NKAIN3: variants seen among roughly 807,000 people sequenced by gnomAD.
NKAIN3 encodes sodium/potassium transporting ATPase interacting 3.
In NKAIN3, 25 loss-of-function variants were observed where a neutral mutation model predicts 30.2. The ratio of observed to expected loss-of-function variants is 0.83; its 90% CI spans 0.60 to 1.16. The LOEUF is 1.16. Among genes scored for constraint, NKAIN3 ranks in the 50% most tolerant of loss-of-function variants. The pLI is 0.00. For missense variants in NKAIN3, 225 were observed against 254.1 expected, an observed-to-expected ratio of 0.89 and a Z score of 0.78; for synonymous variants, 91 against 89.6, an observed-to-expected ratio of 1.02 and a Z score of -0.09.
intron 1 of NKAIN3, among the ~76,000 whole-genome samples, chr8:62,273,403 C>T (rs11778470): frequency 0.58 from 88,157 of 151,898 alleles, 25,974 homozygotes; most frequent in East Asian, 0.68. Context: ...AAAACAATAC[C>T]TGAATAGAAA....
At chr8:62,790,561 G>A (rs1052814422) in intron 4 of NKAIN3, among the ~76,000 whole-genome samples, 6 of 144,316 alleles carry the variant, frequency 4.2e-5, no homozygotes, top group Admixed American at 3.7e-4. Context: ...GTGTGTGTGT[G>A]TGTGTGTCTG....
chr8:62,643,395 T>C (rs932371847), intron 3 of NKAIN3, among the ~76,000 whole-genome samples: 1 of 152,034 alleles, frequency 6.6e-6, no homozygotes, highest in African/African-American at 2.4e-5. Context: ...TCCAAGAAAA[T>C]TGGCTAAAGC....
chr8:62,398,392 TAAATA>T (rs1446947017), intron 1 of NKAIN3, among the ~76,000 whole-genome samples: 4 of 151,584 alleles, frequency 2.6e-5, no homozygotes, highest in East Asian at 2.0e-4. Context: ...TTTGTAAAAA[TAAATA>T]AAATAAAAAT....
intron 2 of NKAIN3, among the ~76,000 whole-genome samples, chr8:62,582,197 C>G (rs1269824916): frequency 1.3e-5 from 2 of 149,480 alleles, no homozygotes; most frequent in East Asian, 2.0e-4. Context: ...TCACTTCTTT[C>G]TTTTCTAACT....
chr8:62,316,420 T>TC lies in NKAIN3; in HGVS notation c.54+67301dup, dbSNP rs36162648. ...ACATTAGGTATATCTCCTAATGCTA[T>TC]CCCCCCCCTCCTCCCACCCCACAAC... On this transcript the variant is annotated intron_variant, in intron 1 of 6. Transcript: ENST00000623646. Among the ~76,000 whole-genome samples the TC allele has an allele frequency of 7.6e-3, 1,146 of 150,846 alleles. 20 individuals are homozygous for TC. Among genetic ancestry groups the TC allele is most frequent in the African/African-American group, 0.026 (1,074 of 40,884 alleles).
chr8:62,279,613 C>A (rs1174947725), intron 1 of NKAIN3, among the ~76,000 whole-genome samples: 1 of 152,160 alleles, frequency 6.6e-6, no homozygotes, highest in East Asian at 1.9e-4. Flanking sequence ...TTTCCCAGCA[C>A]CATTTATTAA....
chr8:62,264,267 T>C (rs1812539345), intron 1 of NKAIN3, among the ~76,000 whole-genome samples: 1 of 152,158 alleles, frequency 6.6e-6, no homozygotes, highest in Non-Finnish European at 1.5e-5. Flanking sequence ...TTCTGCCCTG[T>C]TTTCTCCATT....
intron 4 of NKAIN3, among the ~76,000 whole-genome samples, chr8:62,851,507 G>A (rs1819896700): frequency 6.6e-6 from 1 of 152,126 alleles, no homozygotes; most frequent in Admixed American, 6.5e-5. Flanking sequence ...AATAGGAGTG[G>A]TGAGAGAGGA....
intron 1 of NKAIN3, among the ~76,000 whole-genome samples, chr8:62,381,496 A>G (rs891639015): frequency 4.6e-5 from 7 of 151,922 alleles, no homozygotes; most frequent in Non-Finnish European, 8.8e-5. Context: ...CTTCTGATAT[A>G]CATATATATA....
chr8:62,931,456 C>A (rs992319583), intron 5 of NKAIN3, among the ~76,000 whole-genome samples: 2 of 152,138 alleles, frequency 1.3e-5, no homozygotes, highest in African/African-American at 2.4e-5. Context: ...CTAACCTGTA[C>A]TTTCTGAAAT....
intron 4 of NKAIN3, among the ~76,000 whole-genome samples, chr8:62,885,487 A>G (rs1821118778): frequency 6.6e-6 from 1 of 152,196 alleles, no homozygotes; most frequent in South Asian, 2.1e-4. Flanking sequence ...AATAGATGTC[A>G]ATTATATCCA....
chr8:62,303,114 T>TG (rs1442773049), intron 1 of NKAIN3, among the ~76,000 whole-genome samples: 1 of 150,462 alleles, frequency 6.6e-6, no homozygotes, highest in Admixed American at 6.6e-5. Context: ...TAGGGACAAT[T>TG]GGGAAAATGT....
chr8:62,961,073 A>G (rs956357361), intron 6 of NKAIN3, among the ~76,000 whole-genome samples: 2 of 152,150 alleles, frequency 1.3e-5, no homozygotes, highest in African/African-American at 4.8e-5. Context: ...TGAGGTCAGG[A>G]GTTCGACACC....
At chr8:62,963,444 C>T (rs1365643836) in intron 6 of NKAIN3, among the ~76,000 whole-genome samples, 7 of 152,150 alleles carry the variant, frequency 4.6e-5, no homozygotes, top group Non-Finnish European at 1.0e-4. Context: ...TAGCTAGAGG[C>T]AGAGCTGGTG....
chr8:62,536,838 T>C (rs1381748478), intron 1 of NKAIN3, among the ~76,000 whole-genome samples: 1 of 152,082 alleles, frequency 6.6e-6, no homozygotes, highest in Non-Finnish European at 1.5e-5. Flanking sequence ...TTATATACAA[T>C]CTAAACAGTT....
At chr8:62,593,681 T>G (rs1190109263) in intron 3 of NKAIN3, among the ~76,000 whole-genome samples, 3 of 152,000 alleles carry the variant, frequency 2.0e-5, no homozygotes, top group Admixed American at 1.3e-4. Flanking sequence ...AATTTATAAT[T>G]AAAAATCTTT....
At chr8:62,379,631 C>G (rs999061745) in intron 1 of NKAIN3, among the ~76,000 whole-genome samples, 1 of 152,176 alleles carries the variant, frequency 6.6e-6, no homozygotes, top group African/African-American at 2.4e-5. Flanking sequence ...TGTACTCATT[C>G]TCTCTTCTGC....
chr8:62,861,131 T>G (rs1381774049), intron 4 of NKAIN3, among the ~76,000 whole-genome samples: 1 of 152,192 alleles, frequency 6.6e-6, no homozygotes, highest in Non-Finnish European at 1.5e-5. Context: ...CCATAGTTAC[T>G]GCGGAGGGTT....
rs571793929 is a variant in NKAIN3, at chr8:62,532,393, A to T, written c.55-47146A>T. Among the ~76,000 whole-genome samples, 17 of 111,192 alleles carry T rather than the reference A, an allele frequency of 1.5e-4. No individual in the cohort carries two copies. The South Asian group carries it at 5.9e-3, about 38-fold the overall frequency. The allele number at this position is 111,192 out of a possible 152,430, so 72.9% of individuals were successfully genotyped here. ...CCTTCATGATCCAATACTACATATAACGTCTATACTTGTCCTGAAGCCCTG... is the reference window on the plus strand; with the variant it reads ...CCTTCATGATCCAATACTACATATATCGTCTATACTTGTCCTGAAGCCCTG... On this transcript the variant is annotated intron_variant, in intron 1 of 6. Transcript: ENST00000623646.
Sources: allele counts gnomAD v4.1 joint callset (sites outside exome capture counted in the v4.1 genomes callset), GRCh38; gene constraint gnomAD v4.1.1; transcripts MANE v1.5; gene names NCBI Gene and HGNC (gene_info 2026-07-23, HGNC 2026-07-21).